The following PDE11A variants were observed in gnomAD, a reference collection of about 807,000 sequenced individuals.
The protein encoded by PDE11A is phosphodiesterase 11A, also known as dual 3',5'-cyclic-AMP and -GMP phosphodiesterase 11A.
Under a neutral mutation model 100.5 loss-of-function variants are expected in PDE11A, and 100 were observed. That is an observed-to-expected ratio of 1.00 (90% confidence interval 0.85 to 1.18). PDE11A has a LOEUF of 1.18. Among genes scored for constraint, PDE11A ranks in the 50% most tolerant of loss-of-function variants. The pLI is 0.00. For missense variants in PDE11A, 1,141 were observed against 1,152.6 expected, an observed-to-expected ratio of 0.99 and a Z score of 0.15; for synonymous variants, 381 against 420.8, an observed-to-expected ratio of 0.91 and a Z score of 1.16.
At chr2:177,668,888 G>A (rs1277152455) in intron 18 of PDE11A, among the ~76,000 whole-genome samples, 5 of 152,180 alleles carry the variant, frequency 3.3e-5, no homozygotes, top group Non-Finnish European at 5.9e-5. Context: ...CCCCTCTTGA[G>A]GTGGTGACTG....
At chr2:177,742,352 G>T (rs2081884826) in intron 10 of PDE11A, among the ~76,000 whole-genome samples, 2 of 152,044 alleles carry the variant, frequency 1.3e-5, no homozygotes, top group Non-Finnish European at 2.9e-5. Context: ...CGGAACCCCT[G>T]GCCTGCAGCT....
chr2:177,944,308 C>A (rs547944805), intron 2 of PDE11A, among the ~76,000 whole-genome samples: 126 of 152,154 alleles, frequency 8.3e-4, no homozygotes, highest in Non-Finnish European at 1.4e-3. Context: ...GAAAATATAA[C>A]CAAAATAACC....
intron 2 of PDE11A, among the ~76,000 whole-genome samples, chr2:177,931,256 C>T (rs7588187): frequency 0.1 from 15,922 of 152,128 alleles, 1,144 homozygotes; most frequent in Non-Finnish European, 0.15. Flanking sequence ...TTTTAATTGA[C>T]AAATAAAAAG....
chr2:177,706,850 T>C (rs1199934856), intron 13 of PDE11A, among the ~76,000 whole-genome samples: 1 of 152,152 alleles, frequency 6.6e-6, no homozygotes, highest in Non-Finnish European at 1.5e-5. Context: ...GTGAATGTTG[T>C]TCAGTCTTAT....
chr2:177,628,855 A>G lies in PDE11A; in HGVS notation c.*552T>C, dbSNP rs182160679. The G allele has an allele frequency of 4.0e-5, 7 of 173,566 alleles. No individual in the cohort carries two copies. Among genetic ancestry groups the G allele is most frequent in the African/African-American group, 9.6e-5 (4 of 41,802 alleles). The allele number at this position is 173,566 out of a possible 1,614,324, so 10.8% of individuals were successfully genotyped here. ...TGATCAGTATTTATAAGGATAGTATAGTTTACCTTTTAGGTAGGCAATTCT... is the reference window on the plus strand; with the variant it reads ...TGATCAGTATTTATAAGGATAGTATGGTTTACCTTTTAGGTAGGCAATTCT... On this transcript the variant is annotated 3_prime_UTR_variant, in exon 20 of 20. Coordinates refer to ENST00000286063, the MANE Select transcript of PDE11A (RefSeq NM_016953.4).
chr2:177,953,885 G>T (rs550614729), intron 2 of PDE11A, among the ~76,000 whole-genome samples: 1 of 152,166 alleles, frequency 6.6e-6, no homozygotes, highest in East Asian at 1.9e-4. Context: ...GCAAACTAAG[G>T]TTATTTTTCG....
rs776055378 is a variant in PDE11A at position 177,634,390 on chromosome 2, C to CTTTTTT, written c.2647-4834_2647-4829dup. 2.2e-3 allele frequency among the ~76,000 whole-genome samples: 327 copies of CTTTTTT among 146,402 alleles called. 3 individuals carry two copies. Among genetic ancestry groups the CTTTTTT allele is most frequent in the African/African-American group, 8.1e-3 (318 of 39,398 alleles). On this transcript the variant is annotated intron_variant, in intron 19 of 19. Transcript: ENST00000286063. The stretch of plus-strand genomic sequence containing the variant: ...TTGAAAACTTACTTTTTCTCTCTCT[C>CTTTTTT]TTTTTTTTTTTTTTGTGAGAAGGAG...
chr2:177,798,451 G>A (rs111880211), intron 9 of PDE11A, among the ~76,000 whole-genome samples: 86 of 152,120 alleles, frequency 5.7e-4, no homozygotes, highest in South Asian at 1.2e-3. Context: ...TGATCCATTC[G>A]TAACATTAAT....
At position 177,663,126 on chromosome 2, in the gene PDE11A, A is replaced by G. The variant is rs142713019; in HGVS notation, c.2646+740T>C. Among the ~76,000 whole-genome samples the G allele has an allele frequency of 2.3e-3, 348 of 152,262 alleles. 2 individuals carry two copies. Among genetic ancestry groups the G allele is most frequent in the African/African-American group, 8.1e-3 (338 of 41,514 alleles). ...TGCTTAGAAGTAGAATTAAAAGCCA[A>G]TGTACAATAAACTGTTAGTGTTAAC... On this transcript the variant is annotated intron_variant, in intron 19 of 19. Transcript: ENST00000286063.
At chr2:177,896,872 A>G (rs2084620470) in intron 4 of PDE11A, among the ~76,000 whole-genome samples, 1 of 152,166 alleles carries the variant, frequency 6.6e-6, no homozygotes, top group South Asian at 2.1e-4. Flanking sequence ...GCTGAGATTT[A>G]TACAATCACA....
chr2:177,722,442 T>C (rs1002186667), intron 12 of PDE11A, among the ~76,000 whole-genome samples: 2 of 152,156 alleles, frequency 1.3e-5, no homozygotes, highest in African/African-American at 4.8e-5. Context: ...CCCAATTGTA[T>C]GTTTGGTTAT....
intron 2 of PDE11A, among the ~76,000 whole-genome samples, chr2:178,013,825 C>G (rs2105826868): frequency 6.6e-6 from 1 of 152,144 alleles, no homozygotes; most frequent in Admixed American, 6.5e-5. Flanking sequence ...AAGTAATGTT[C>G]TTTTTATTAG....
At chr2:178,051,192 G>A (rs371486824) in intron 1 of PDE11A, among the ~76,000 whole-genome samples, 1 of 152,092 alleles carries the variant, frequency 6.6e-6, no homozygotes, top group Admixed American at 6.5e-5. Flanking sequence ...AGAGAGTGGG[G>A]GCCAATATTC....
intron 8 of PDE11A, 114 bp downstream of exon 8, chr2:177,817,744 C>T (rs3821009): frequency 0.089 from 58,508 of 658,518 alleles, 3,061 homozygotes; most frequent in African/African-American, 0.19. Flanking sequence ...TAATTTTGCC[C>T]TCCATTTAAG....
At chr2:177,941,562 C>T (rs1283908413) in intron 2 of PDE11A, among the ~76,000 whole-genome samples, 1 of 152,164 alleles carries the variant, frequency 6.6e-6, no homozygotes, top group East Asian at 1.9e-4. Context: ...ATTTCAATCT[C>T]TCTACAAAGA....
chr2:177,647,645 G>C (rs1160942645), intron 19 of PDE11A, among the ~76,000 whole-genome samples: 1 of 152,082 alleles, frequency 6.6e-6, no homozygotes, highest in Non-Finnish European at 1.5e-5. Flanking sequence ...TCTGAGACGG[G>C]GAGGAACCAT....
chr2:177,778,877 CTG>C (rs571203019), intron 9 of PDE11A, among the ~76,000 whole-genome samples: 10 of 152,284 alleles, frequency 6.6e-5, no homozygotes, highest in South Asian at 6.2e-4. Flanking sequence ...CTTCAGATAA[CTG>C]TGTCTGCTGT....
At chr2:178,057,885 T>C (rs944250495) in intron 1 of PDE11A, among the ~76,000 whole-genome samples, 2 of 151,742 alleles carry the variant, frequency 1.3e-5, no homozygotes, top group Non-Finnish European at 2.9e-5. Flanking sequence ...TGAGATGGAG[T>C]CTCACTCTAT....
At chr2:177,933,891 T>C (rs1054716990) in intron 2 of PDE11A, among the ~76,000 whole-genome samples, 3 of 152,204 alleles carry the variant, frequency 2.0e-5, no homozygotes, top group African/African-American at 7.2e-5. Context: ...AAGGACTCGT[T>C]GTTCAATGAA....
Sources: gnomAD v4.1 joint callset for allele counts (sites outside exome capture counted in the v4.1 genomes callset) on GRCh38, gnomAD v4.1.1 for gene constraint, MANE v1.5 for transcripts, NCBI Gene and HGNC (gene_info 2026-07-23, HGNC 2026-07-21) for gene names.